THSD4: variants seen among roughly 807,000 people sequenced by gnomAD.
THSD4 encodes the protein thrombospondin type-1 domain-containing protein 4.
Under a neutral mutation model 119.0 loss-of-function variants are expected in THSD4, and 69 were observed. The ratio of observed to expected loss-of-function variants is 0.58; its 90% CI spans 0.48 to 0.71. The LOEUF is 0.71. Among genes scored for constraint, THSD4 ranks in the 30% least tolerant of loss-of-function variants. THSD4 has a pLI of 0.00. For missense variants in THSD4, 1,393 were observed against 1,391.1 expected, an observed-to-expected ratio of 1.00 and a Z score of -0.02; for synonymous variants, 524 against 540.4, an observed-to-expected ratio of 0.97 and a Z score of 0.42.
At chr15:71,241,588 A>G (rs1174007724) in intron 4 of THSD4, among the ~76,000 whole-genome samples, 1 of 152,252 alleles carries the variant, frequency 6.6e-6, no homozygotes, top group African/African-American at 2.4e-5. Context: ...ATATTCATGC[A>G]GTGGTGTTCT....
At chr15:71,153,681 AC>A (rs1335691001) in intron 2 of THSD4, among the ~76,000 whole-genome samples, 1 of 151,796 alleles carries the variant, frequency 6.6e-6, no homozygotes, top group Non-Finnish European at 1.5e-5. Flanking sequence ...CCTCATCTCC[AC>A]CCTGACGTGA....
chr15:71,673,797 C>T (rs144069754), intron 8 of THSD4, among the ~76,000 whole-genome samples: 3 of 152,280 alleles, frequency 2.0e-5, no homozygotes, highest in East Asian at 3.9e-4. Context: ...CGCTCTGTCG[C>T]CCAGGCTAGA....
intron 2 of THSD4, among the ~76,000 whole-genome samples, chr15:71,146,065 G>A (rs1187571477): frequency 6.6e-6 from 1 of 152,210 alleles, no homozygotes; most frequent in Admixed American, 6.5e-5. Context: ...ATGTACAACA[G>A]ATAAGGTTGA....
chr15:71,638,340 T>G (rs932254423), intron 7 of THSD4, among the ~76,000 whole-genome samples: 1 of 152,254 alleles, frequency 6.6e-6, no homozygotes, highest in African/African-American at 2.4e-5. Context: ...TCACTCTGAC[T>G]TGTGTGACAC....
intron 7 of THSD4, among the ~76,000 whole-genome samples, chr15:71,515,695 C>G (rs2048351327): frequency 6.6e-6 from 1 of 152,188 alleles, no homozygotes; most frequent in Non-Finnish European, 1.5e-5. Context: ...ACAAACCCAG[C>G]AGCTAGTTTG....
At chr15:71,503,259 A>G (rs1439566349) in intron 7 of THSD4, among the ~76,000 whole-genome samples, 1 of 152,202 alleles carries the variant, frequency 6.6e-6, no homozygotes, top group African/African-American at 2.4e-5. Context: ...AGGACTAGAA[A>G]GAGGACCAGC....
At chr15:71,634,023 C>CT (rs1337620637) in intron 7 of THSD4, among the ~76,000 whole-genome samples, 1 of 152,096 alleles carries the variant, frequency 6.6e-6, no homozygotes, top group Non-Finnish European at 1.5e-5. Flanking sequence ...CCCATCTCTA[C>CT]TAAAAATACA....
intron 14 of THSD4, among the ~76,000 whole-genome samples, chr15:71,755,706 C>CAAAAAAAAAAAAAAAAA (rs10555546): frequency 2.0e-5 from 1 of 50,280 alleles, no homozygotes; most frequent in African/African-American, 6.1e-5. Flanking sequence ...TCAGCAAAGA[C>CAAAAAAAAAAAAAAAAA]AAAAAAAAAA....
intron 7 of THSD4, among the ~76,000 whole-genome samples, chr15:71,441,575 A>G (rs1373881465): frequency 1.3e-5 from 2 of 149,470 alleles, no homozygotes; most frequent in Non-Finnish European, 3.0e-5. Context: ...TTGTATTTTT[A>G]GTAGAGACGG....
rs2051094845 is a variant in THSD4, at chr15:71,651,768, C to A, written c.1153-8762C>A. Among the ~76,000 whole-genome samples, 3 of 152,168 alleles carry A rather than the reference C, an allele frequency of 2.0e-5. No homozygotes were observed. The South Asian group carries it at 6.2e-4, about 32-fold the overall frequency. ...GTCAGCCTGCATCTCTGGGTCCACC[C>A]TTCTTGTGTTTCTCAACAGTCATTG... On this transcript the variant is annotated intron_variant, in intron 7 of 17. Coordinates refer to ENST00000261862, the MANE Select transcript of THSD4 (RefSeq NM_024817.3).
chr15:71,196,663 A>T (rs1030910614), intron 3 of THSD4, among the ~76,000 whole-genome samples: 1 of 152,092 alleles, frequency 6.6e-6, no homozygotes, highest in Non-Finnish European at 1.5e-5. Context: ...GGCAATCAAG[A>T]TGGTGGCAGA....
intron 6 of THSD4, among the ~76,000 whole-genome samples, chr15:71,293,580 G>C (rs189102609): frequency 1.1e-3 from 164 of 152,252 alleles, no homozygotes; most frequent in African/African-American, 3.7e-3. Context: ...TCCGAGGGCT[G>C]GGCTACTGGG....
At chr15:71,574,663 G>A (rs1051820795) in intron 7 of THSD4, among the ~76,000 whole-genome samples, 4 of 152,180 alleles carry the variant, frequency 2.6e-5, no homozygotes, top group East Asian at 3.9e-4. Context: ...TGAGCAGTCC[G>A]TTTGTCTGTC....
chr15:71,382,098 G>C (rs991740553), intron 6 of THSD4, among the ~76,000 whole-genome samples: 1 of 151,962 alleles, frequency 6.6e-6, no homozygotes. Flanking sequence ...TGACAATAAG[G>C]TATTTTAAGG....
chr15:71,275,139 G>A (rs2044575622), intron 6 of THSD4, among the ~76,000 whole-genome samples: 3 of 151,946 alleles, frequency 2.0e-5, no homozygotes, highest in African/African-American at 2.4e-5. Flanking sequence ...GGTCTGCCCT[G>A]GGTCACAGAA....
intron 7 of THSD4, among the ~76,000 whole-genome samples, chr15:71,629,630 G>A (rs4566111): frequency 0.95 from 144,595 of 152,180 alleles, 69,182 homozygotes; most frequent in East Asian, 1. Flanking sequence ...CAGGCCCCCT[G>A]GTTGTTCTTT....
At chr15:71,747,715 C>G (rs1252222493) in intron 13 of THSD4, among the ~76,000 whole-genome samples, 5 of 152,180 alleles carry the variant, frequency 3.3e-5, no homozygotes, top group Non-Finnish European at 7.4e-5. Context: ...AGAAATAAAT[C>G]AGCAAAACTT....
rs546769643 is a variant in THSD4, at chr15:71,676,386, A to T, written c.1357+15652A>T. Among the ~76,000 whole-genome samples the T allele has an allele frequency of 3.4e-4, 52 of 152,150 alleles. No individual in the cohort carries two copies. The South Asian group carries it at 9.1e-3, about 27-fold the overall frequency. On this transcript the variant is annotated intron_variant, in intron 8 of 17. Coordinates refer to ENST00000261862, the MANE Select transcript of THSD4 (RefSeq NM_024817.3). Reference sequence around the variant, plus strand: ...AACCTCTGCCTCCCGGGTTCAAGCGATTCTCCTGCCTCAGCCTCTTAAGTA... The same window carrying T: ...AACCTCTGCCTCCCGGGTTCAAGCGTTTCTCCTGCCTCAGCCTCTTAAGTA...
At chr15:71,585,687 C>T (rs1474761316) in intron 7 of THSD4, among the ~76,000 whole-genome samples, 1 of 152,174 alleles carries the variant, frequency 6.6e-6, no homozygotes, top group Non-Finnish European at 1.5e-5. Context: ...TTCTCTTTCT[C>T]TGCTCCTTCT....
Sources: allele counts gnomAD v4.1 joint callset (sites outside exome capture counted in the v4.1 genomes callset), GRCh38; gene constraint gnomAD v4.1.1; transcripts MANE v1.5; gene names NCBI Gene and HGNC (gene_info 2026-07-23, HGNC 2026-07-21).